WDFY2: variants seen among roughly 807,000 people sequenced by gnomAD.
WDFY2 encodes WD repeat and FYVE domain-containing protein 2.
Under a neutral mutation model 56.4 loss-of-function variants are expected in WDFY2, and 36 were observed. The observed-to-expected ratio is 0.64, with a 90% CI of 0.49 to 0.84. The LOEUF (loss-of-function observed/expected upper bound fraction) is 0.84, where lower values mean the gene tolerates loss of function less well. Among genes scored for constraint, WDFY2 ranks in the 40% least tolerant of loss-of-function variants. The pLI is 0.00. For synonymous variants in WDFY2, 176 were observed against 183.7 expected, an observed-to-expected ratio of 0.96 and a Z score of 0.34; for missense variants, 444 against 512.2, an observed-to-expected ratio of 0.87 and a Z score of 1.29.
At chr13:51,667,340 C>CT (rs996852314) in intron 2 of WDFY2, among the ~76,000 whole-genome samples, 3 of 152,058 alleles carry the variant, frequency 2.0e-5, no homozygotes, top group Admixed American at 6.5e-5. Context: ...TGTGTATATG[C>CT]TTTTATCTGG....
intron 1 of WDFY2, among the ~76,000 whole-genome samples, chr13:51,647,810 A>G (rs369733882): frequency 6.6e-6 from 1 of 151,400 alleles, no homozygotes; most frequent in East Asian, 1.9e-4. Context: ...ACCATTATAT[A>G]TGTGGTCCAA....
At chr13:51,626,868 A>G (rs74086223) in intron 1 of WDFY2, among the ~76,000 whole-genome samples, 18,793 of 152,202 alleles carry the variant, frequency 0.12, 1,723 homozygotes, top group African/African-American at 0.23. Flanking sequence ...TGCTGGGCTC[A>G]TTCCACCCAT....
At chr13:51,737,550 T>TA (rs1566207262) in intron 6 of WDFY2, among the ~76,000 whole-genome samples, 1 of 49,572 alleles carries the variant, frequency 2.0e-5, no homozygotes, top group Admixed American at 2.9e-4. Flanking sequence ...GACAATGAAT[T>TA]TAAAAAAAAA....
chr13:51,749,925 A>AT (rs1474672337), intron 7 of WDFY2, among the ~76,000 whole-genome samples: 52 of 152,308 alleles, frequency 3.4e-4, no homozygotes, highest in Admixed American at 6.5e-5. Context: ...ACAAATTTAT[A>AT]TTTTTAATAA....
intron 7 of WDFY2, among the ~76,000 whole-genome samples, chr13:51,743,255 A>T (rs1953015929): frequency 6.6e-6 from 1 of 152,240 alleles, no homozygotes; most frequent in African/African-American, 2.4e-5. Context: ...CTTCTCAAAG[A>T]CAGAAGGGCT....
At chr13:51,664,924 C>T (rs1270183285) in intron 2 of WDFY2, among the ~76,000 whole-genome samples, 2 of 152,202 alleles carry the variant, frequency 1.3e-5, no homozygotes, top group African/African-American at 4.8e-5. Context: ...TTAAGCGTTT[C>T]TTCCACATCT....
At position 51,756,446 on chromosome 13, in the gene WDFY2, G is replaced by C; in HGVS notation, c.1048G>C (p.Ala350Pro). The change falls in exon 10 of 12, where the codon GCC (alanine) becomes CCC (proline). Residue 350 changes from alanine (A) to proline (P), a missense_variant. Physicochemically the swap from Ala to Pro is conservative, Grantham distance 27. Coordinates refer to ENST00000298125, the MANE Select transcript of WDFY2 (RefSeq NM_052950.4). ...GAGGGTCTGTGACAGCTGCCACGAGGCCATCACAGATGAAGAGTAAGTTCC... is the reference window on the plus strand; with the variant it reads ...GAGGGTCTGTGACAGCTGCCACGAGCCCATCACAGATGAAGAGTAAGTTCC... ...EVRVCDSCHE[A>P]ITDEERAPTA... 6.2e-7 allele frequency: 1 copy of C among 1,613,976 alleles called. No individual in the cohort carries two copies. The highest frequency in any genetic ancestry group is 8.5e-7 in the Non-Finnish European group (1 of 1,179,914).
At chr13:51,602,118 C>T (rs1039315098) in intron 1 of WDFY2, among the ~76,000 whole-genome samples, 1 of 152,114 alleles carries the variant, frequency 6.6e-6, no homozygotes, top group Non-Finnish European at 1.5e-5. Context: ...CTGGGTGGGG[C>T]TTTTATCAGT....
At position 51,646,978 on chromosome 13, in the gene WDFY2, G is replaced by A. The variant is rs528817676; in HGVS notation, c.138-13618G>A. Among the ~76,000 whole-genome samples, 78 of 152,246 alleles carry A rather than the reference G, an allele frequency of 5.1e-4. 2 individuals carry two copies. In the South Asian group the frequency reaches 0.016, roughly 30 times the overall value. On this transcript the variant is annotated intron_variant, in intron 1 of 11. Transcript: ENST00000298125. ...GGATGGTTGTATCTGCACTGAATGC[G>A]TATAGACTTTTTTTCCTTTATTATT...
Position 51,586,349 on chromosome 13 carries a change from A to G in WDFY2, c.137+1525A>G. 1.6e-5 allele frequency: 5 copies of G among 315,858 alleles called. No individual in the cohort carries two copies. The East Asian group carries it at 2.0e-4, about 12-fold the overall frequency. The allele number at this position is 315,858 out of a possible 1,614,324, so 19.6% of individuals were successfully genotyped here. ...AATTTCTAACTGCTGTGGAAAATTC[A>G]TAAGCAAATTCATGGAATCAAGAAA... On this transcript the variant is annotated intron_variant, in intron 1 of 11. Transcript: ENST00000298125.
intron 4 of WDFY2, among the ~76,000 whole-genome samples, chr13:51,714,111 T>C (rs936342291): frequency 1.3e-5 from 2 of 151,994 alleles, no homozygotes; most frequent in African/African-American, 4.8e-5. Flanking sequence ...TTTTTTGTTA[T>C]GTATATTTTA....
rs1325024307 is a variant in WDFY2 at position 51,761,408 on chromosome 13, C to G, written c.*1639C>G. On this transcript the variant is annotated 3_prime_UTR_variant, in exon 12 of 12. Transcript: ENST00000298125. ...AGCCTGCGCCAGGTGCCTGCCCCTC[C>G]TAAGCACTTTACACGCACAGCTCAT... 2 of 152,176 alleles carry G rather than the reference C, an allele frequency of 1.3e-5. No homozygotes were observed. The highest frequency in any genetic ancestry group is 2.9e-5 in the Non-Finnish European group (2 of 68,034). The allele number at this position is 152,176 out of a possible 1,614,324, so 9.4% of individuals were successfully genotyped here. A position where few individuals can be genotyped will look rare whatever the true frequency, so the allele number is the denominator to read the frequency against.
At chr13:51,681,027 A>G (rs1197839182) in intron 3 of WDFY2, among the ~76,000 whole-genome samples, 3 of 152,134 alleles carry the variant, frequency 2.0e-5, no homozygotes, top group Non-Finnish European at 4.4e-5. Flanking sequence ...TAATCTAACA[A>G]GGTGTTTTGG....
chr13:51,658,233 T>C (rs1955546014), intron 1 of WDFY2, among the ~76,000 whole-genome samples: 2 of 152,236 alleles, frequency 1.3e-5, no homozygotes, highest in Admixed American at 1.3e-4. Context: ...CTGAGGTCTC[T>C]GTTCTGTTAT....
intron 5 of WDFY2, among the ~76,000 whole-genome samples, chr13:51,723,736 A>C (rs1465290386): frequency 6.6e-6 from 1 of 152,180 alleles, no homozygotes; most frequent in Non-Finnish European, 1.5e-5. Flanking sequence ...GCTGAGATTG[A>C]TTGGCAGTTC....
At chr13:51,691,608 T>G (rs1401081529) in intron 3 of WDFY2, among the ~76,000 whole-genome samples, 1 of 152,118 alleles carries the variant, frequency 6.6e-6, no homozygotes, top group African/African-American at 2.4e-5. Flanking sequence ...AGCCTTGTAG[T>G]ATAGTTTGGA....
At chr13:51,712,674 A>G (rs1206037536) in intron 4 of WDFY2, among the ~76,000 whole-genome samples, 1 of 152,016 alleles carries the variant, frequency 6.6e-6, no homozygotes, top group African/African-American at 2.4e-5. Context: ...AGAAAAATCA[A>G]TGAAATCCAA....
intron 4 of WDFY2, 64 bp from the exon 5 acceptor site, chr13:51,719,134 G>T: frequency 6.2e-7 from 1 of 1,606,396 alleles, no homozygotes. Flanking sequence ...CATCTCTGTG[G>T]GCCATGTTCT....
At chr13:51,685,246 T>C (rs925298881) in intron 3 of WDFY2, among the ~76,000 whole-genome samples, 7 of 152,258 alleles carry the variant, frequency 4.6e-5, no homozygotes, top group Non-Finnish European at 7.3e-5. Context: ...TTAGTTCAAA[T>C]TTCTACTTTA....
Sources: gnomAD v4.1 joint callset for allele counts (sites outside exome capture counted in the v4.1 genomes callset) on GRCh38, gnomAD v4.1.1 for gene constraint, MANE v1.5 for transcripts, NCBI Gene and HGNC (gene_info 2026-07-23, HGNC 2026-07-21) for gene names.